MRPL48: variants seen among roughly 807,000 people sequenced by gnomAD.
MRPL48 encodes mitochondrial ribosomal protein L48, also known as large ribosomal subunit protein mL48.
In MRPL48, 16 loss-of-function variants were observed where a neutral mutation model predicts 32.9. The ratio of observed to expected loss-of-function variants is 0.49; its 90% CI spans 0.33 to 0.74. The LOEUF is 0.74. MRPL48 is among the 30% of genes least tolerant of loss of function. MRPL48 has a pLI of 0.02. For missense variants in MRPL48, 206 were observed against 245.3 expected, an observed-to-expected ratio of 0.84 and a Z score of 1.07; for synonymous variants, 94 against 89.2, an observed-to-expected ratio of 1.05 and a Z score of -0.31.
chr11:73,850,739 C>A (rs1245189383), intron 5 of MRPL48: 1 of 209,474 alleles, frequency 4.8e-6, no homozygotes, highest in African/African-American at 2.4e-5. Flanking sequence ...TGCAGCGGCG[C>A]GATCTCGACT....
At chr11:73,829,345 T>C (rs1175196239) in intron 4 of MRPL48, among the ~76,000 whole-genome samples, 3 of 152,094 alleles carry the variant, frequency 2.0e-5, no homozygotes, top group African/African-American at 7.2e-5. Context: ...TGCACTAAGT[T>C]ACTTTTCTTT....
rs577904517 is a variant in MRPL48 at position 73,794,509 on chromosome 11, C to T, written c.21+6517C>T. On this transcript the variant is annotated intron_variant, in intron 1 of 7. Coordinates refer to ENST00000310614, the MANE Select transcript of MRPL48 (RefSeq NM_016055.6). ...GGAGGAAGTTGCAGTGAGCCGAGAT[C>T]GTGTTATTGCACTCCAGCCTGGGCA... Among the ~76,000 whole-genome samples, 210 of 150,578 alleles carry T rather than the reference C, an allele frequency of 1.4e-3. 1 individual carries two copies. Among genetic ancestry groups the T allele is most frequent in the African/African-American group, 5.0e-3 (206 of 40,934 alleles).
chr11:73,790,045 A>G (rs918337150), intron 1 of MRPL48, among the ~76,000 whole-genome samples: 6 of 146,806 alleles, frequency 4.1e-5, no homozygotes, highest in Non-Finnish European at 7.4e-5. Context: ...ACAGGTGTAC[A>G]CCACCATGCT....
chr11:73,820,932 G>T (rs1338045106), intron 3 of MRPL48, among the ~76,000 whole-genome samples: 1 of 152,054 alleles, frequency 6.6e-6, no homozygotes, highest in Non-Finnish European at 1.5e-5. Context: ...TCCAAAAATA[G>T]GTCTATCTGT....
At chr11:73,800,166 TGGGA>T (rs1379791068) in intron 1 of MRPL48, among the ~76,000 whole-genome samples, 2 of 151,838 alleles carry the variant, frequency 1.3e-5, no homozygotes, top group African/African-American at 2.4e-5. Context: ...CCCAGCATTT[TGGGA>T]GGCCAAGGCA....
intron 4 of MRPL48, among the ~76,000 whole-genome samples, chr11:73,836,798 C>T (rs1948111711): frequency 1.3e-5 from 2 of 152,164 alleles, no homozygotes; most frequent in Non-Finnish European, 2.9e-5. Flanking sequence ...ATAACTTTAG[C>T]TGTTACAGAT....
At chr11:73,834,391 T>C (rs1948051001) in intron 4 of MRPL48, among the ~76,000 whole-genome samples, 1 of 152,242 alleles carries the variant, frequency 6.6e-6, no homozygotes, top group South Asian at 2.1e-4. Flanking sequence ...TCTCATGGTT[T>C]GAGATGGCTG....
intron 1 of MRPL48, among the ~76,000 whole-genome samples, chr11:73,803,338 C>T (rs1459807546): frequency 6.6e-6 from 1 of 151,972 alleles, no homozygotes; most frequent in Non-Finnish European, 1.5e-5. Flanking sequence ...ACCATGTTGG[C>T]CAGGCTGGTC....
rs889959209 is a variant in MRPL48, at chr11:73,800,997, G to A, written c.22-4030G>A. 2.0e-5 allele frequency among the ~76,000 whole-genome samples: 3 copies of A among 152,012 alleles called. 1 individual carries two copies. In the South Asian group the frequency reaches 6.2e-4, roughly 32 times the overall value. ...CGGCTAATTTTGTATTTTTAGTAGAGACGAGGTTTCTCCATGTTGGTCAGG... is the reference window on the plus strand; with the variant it reads ...CGGCTAATTTTGTATTTTTAGTAGAAACGAGGTTTCTCCATGTTGGTCAGG... On this transcript the variant is annotated intron_variant, in intron 1 of 7. Transcript: ENST00000310614.
At chr11:73,816,288 C>A (rs1159531514) in intron 3 of MRPL48, among the ~76,000 whole-genome samples, 1 of 149,162 alleles carries the variant, frequency 6.7e-6, no homozygotes, top group South Asian at 2.1e-4. Context: ...GTCTCGATCT[C>A]CTGACCTCGT....
intron 4 of MRPL48, among the ~76,000 whole-genome samples, chr11:73,836,887 C>T (rs1223067522): frequency 1.3e-5 from 2 of 152,212 alleles, no homozygotes; most frequent in African/African-American, 4.8e-5. Flanking sequence ...GTCAGATTTT[C>T]TGTGGCTTCC....
At chr11:73,813,902 G>A (rs1306524432) in intron 3 of MRPL48, among the ~76,000 whole-genome samples, 1 of 151,876 alleles carries the variant, frequency 6.6e-6, no homozygotes, top group Non-Finnish European at 1.5e-5. Context: ...TGAGTGGGAC[G>A]TGGTGGCAGG....
At chr11:73,825,003 G>A (rs1947857333) in intron 3 of MRPL48, among the ~76,000 whole-genome samples, 1 of 152,150 alleles carries the variant, frequency 6.6e-6, no homozygotes, top group African/African-American at 2.4e-5. Context: ...TGGAGAATTT[G>A]TCCCCTCAAA....
intron 5 of MRPL48, 44 bp downstream of exon 5, chr11:73,845,020 A>G: frequency 6.4e-7 from 1 of 1,555,686 alleles, no homozygotes; most frequent in South Asian, 1.2e-5. Flanking sequence ...GTGTGGGTAG[A>G]ATGCTCTGTT....
Position 73,864,780 on chromosome 11 carries a change from T to C in MRPL48, c.*410T>C, listed in dbSNP as rs541035674. 6.4e-5 allele frequency: 12 copies of C among 188,526 alleles called. No individual in the cohort carries two copies. In the East Asian group the frequency reaches 1.4e-3, roughly 22 times the overall value. 11.7% of individuals were successfully genotyped at this position (188,526 alleles called of 1,614,324 possible). On this transcript the variant is annotated 3_prime_UTR_variant, in exon 8 of 8. Coordinates refer to ENST00000310614, the MANE Select transcript of MRPL48 (RefSeq NM_016055.6). ...GAGACCAGCCTGGCAACATTCTGTC[T>C]TTACCAAAAACATTCTTTTTTTTTT...
At chr11:73,856,021 A>G (rs1291977854) in intron 5 of MRPL48, among the ~76,000 whole-genome samples, 1 of 152,208 alleles carries the variant, frequency 6.6e-6, no homozygotes, top group African/African-American at 2.4e-5. Context: ...TTAGTGGCCT[A>G]ACCCTAAGAT....
At chr11:73,811,886 C>G (rs921043678) in intron 3 of MRPL48, among the ~76,000 whole-genome samples, 1 of 151,978 alleles carries the variant, frequency 6.6e-6, no homozygotes, top group African/African-American at 2.4e-5. Flanking sequence ...TTTTATTGCC[C>G]TTTCCCAGTC....
chr11:73,826,775 T>TTTTC (rs1947900726), intron 4 of MRPL48, among the ~76,000 whole-genome samples: 1 of 105,946 alleles, frequency 9.4e-6, no homozygotes, highest in Non-Finnish European at 2.2e-5. Flanking sequence ...CTGTATTTTC[T>TTTTC]TTTTTTTTTT....
At position 73,860,730 on chromosome 11, in the gene MRPL48, T is replaced by C. The variant is rs568401502; in HGVS notation, c.474+721T>C. On this transcript the variant is annotated intron_variant, in intron 6 of 7. Coordinates refer to ENST00000310614, the MANE Select transcript of MRPL48 (RefSeq NM_016055.6). ...CATTAATTGATATATAATGGACATA[T>C]CATACAATTTACCAATTTGAAGTAT... is the stretch of plus-strand genomic sequence containing the variant. Among the ~76,000 whole-genome samples, 80 of 152,304 alleles carry C rather than the reference T, an allele frequency of 5.3e-4. 1 individual carries two copies. The highest frequency in any genetic ancestry group is 3.4e-3 in the Middle Eastern group (1 of 294).
Sources: allele counts gnomAD v4.1 joint callset (sites outside exome capture counted in the v4.1 genomes callset), GRCh38; gene constraint gnomAD v4.1.1; transcripts MANE v1.5; gene names NCBI Gene and HGNC (gene_info 2026-07-23, HGNC 2026-07-21).